Variants in PTPRN2 observed in about 807,000 individuals in gnomAD.
The protein encoded by PTPRN2 is protein tyrosine phosphatase receptor type N2.
PTPRN2 carries 74 observed loss-of-function variants against 118.8 expected under a neutral mutation model. That is an observed-to-expected ratio of 0.62 (90% confidence interval 0.52 to 0.76). PTPRN2 has a LOEUF of 0.76. PTPRN2 is among the 30% of genes least tolerant of loss of function. The pLI is 0.00. For missense variants in PTPRN2, 1,481 were observed against 1,394.4 expected (o/e 1.06, Z -0.99); for synonymous variants, 641 against 608.0 (o/e 1.05, Z -0.80).
At chr7:158,372,681 C>T (rs1249043062) in intron 2 of PTPRN2, among the ~76,000 whole-genome samples, 5 of 152,218 alleles carry the variant, frequency 3.3e-5, no homozygotes, top group African/African-American at 4.8e-5. Flanking sequence ...ACGCTGATCC[C>T]CAGAGTGCCC....
At chr7:157,993,849 T>G (rs77477366) in intron 11 of PTPRN2, among the ~76,000 whole-genome samples, 1,927 of 152,180 alleles carry the variant, frequency 0.013, 16 homozygotes, top group South Asian at 0.039. Context: ...CTGGACGATC[T>G]CTCCCTAAAA....
intron 3 of PTPRN2, among the ~76,000 whole-genome samples, chr7:158,216,820 T>G (rs1827991892): frequency 6.6e-6 from 1 of 152,144 alleles, no homozygotes; most frequent in East Asian, 1.9e-4. Flanking sequence ...CAATTGCTCA[T>G]AGAACACAAA....
intron 12 of PTPRN2, among the ~76,000 whole-genome samples, chr7:157,752,935 CCTG>C (rs144027155): frequency 0.04 from 6,099 of 152,294 alleles, 378 homozygotes; most frequent in African/African-American, 0.13. Context: ...AGCACCCACT[CCTG>C]CTGGAAGCCC....
chr7:158,310,954 G>A (rs558735656), intron 3 of PTPRN2, among the ~76,000 whole-genome samples: 1 of 152,236 alleles, frequency 6.6e-6, no homozygotes, highest in African/African-American at 2.4e-5. Flanking sequence ...TGAGCCAGAC[G>A]TTCTCCCTCC....
At chr7:158,014,592 C>T (rs1166056379) in intron 11 of PTPRN2, among the ~76,000 whole-genome samples, 2 of 151,982 alleles carry the variant, frequency 1.3e-5, no homozygotes, top group East Asian at 3.9e-4. Flanking sequence ...TTCACCCGTT[C>T]ATTCCTCCTT....
At chr7:157,879,318 G>A (rs1016158781) in intron 12 of PTPRN2, among the ~76,000 whole-genome samples, 8 of 152,206 alleles carry the variant, frequency 5.3e-5, no homozygotes, top group African/African-American at 1.9e-4. Context: ...CAGCCTCCAT[G>A]AGAACAGCAG....
chr7:158,072,543 A>T (rs944075492), intron 11 of PTPRN2, among the ~76,000 whole-genome samples: 4 of 152,166 alleles, frequency 2.6e-5, no homozygotes, highest in Admixed American at 2.6e-4. Context: ...GAATAGCCTC[A>T]TGCTGGTCCC....
At chr7:158,163,343 T>C (rs187767346) in intron 6 of PTPRN2, among the ~76,000 whole-genome samples, 77 of 150,838 alleles carry the variant, frequency 5.1e-4, no homozygotes, top group African/African-American at 1.8e-3. Context: ...CTCTATTTCA[T>C]AGGTGACGCC....
At chr7:158,523,182 C>G (rs999190825) in intron 1 of PTPRN2, among the ~76,000 whole-genome samples, 1 of 150,260 alleles carries the variant, frequency 6.7e-6, no homozygotes, top group Non-Finnish European at 1.5e-5. Context: ...AGGGGCCAGA[C>G]GGGTTGCAGC....
At chr7:158,430,280 G>T (rs747945193) in intron 2 of PTPRN2, among the ~76,000 whole-genome samples, 10 of 152,224 alleles carry the variant, frequency 6.6e-5, no homozygotes, top group Non-Finnish European at 1.5e-4. Flanking sequence ...TGAATTGAAA[G>T]TGGGCTAAAG....
At chr7:157,793,584 G>A (rs1372965960) in intron 12 of PTPRN2, among the ~76,000 whole-genome samples, 3 of 152,152 alleles carry the variant, frequency 2.0e-5, no homozygotes, top group Non-Finnish European at 2.9e-5. Flanking sequence ...TCATTCCCAC[G>A]TGGGATTCTC....
intron 1 of PTPRN2, among the ~76,000 whole-genome samples, chr7:158,559,394 A>G (rs1165947446): frequency 6.6e-6 from 1 of 152,188 alleles, no homozygotes; most frequent in Non-Finnish European, 1.5e-5. Context: ...TCTCAGAATG[A>G]CACACTTCCA....
At chr7:157,905,295 G>A (rs1442109994) in intron 11 of PTPRN2, among the ~76,000 whole-genome samples, 1 of 152,204 alleles carries the variant, frequency 6.6e-6, no homozygotes, top group African/African-American at 2.4e-5. Context: ...GAAAAAGCCT[G>A]CTTCAGCCAG....
chr7:158,047,348 A>G (rs1036193930), intron 11 of PTPRN2, among the ~76,000 whole-genome samples: 1 of 152,242 alleles, frequency 6.6e-6, no homozygotes, highest in Non-Finnish European at 1.5e-5. Context: ...CAGGAGAATA[A>G]ACAAGGAGTA....
chr7:158,268,314 T>A (rs569412176), intron 3 of PTPRN2, among the ~76,000 whole-genome samples: 1 of 143,688 alleles, frequency 7.0e-6, no homozygotes. Context: ...GTGTGAAATA[T>A]CCCAGCCGCA....
chr7:157,962,660 G>A (rs1801627404), intron 11 of PTPRN2, among the ~76,000 whole-genome samples: 1 of 152,230 alleles, frequency 6.6e-6, no homozygotes, highest in Non-Finnish European at 1.5e-5. Context: ...AACACCTGTG[G>A]ACAAGCTGGA....
intron 6 of PTPRN2, among the ~76,000 whole-genome samples, chr7:158,164,937 G>A (rs1822792678): frequency 6.6e-6 from 1 of 152,070 alleles, no homozygotes. Context: ...AGGAGAACAG[G>A]AAGCTCGGCA....
Position 157,823,266 on chromosome 7 carries a change from G to A in PTPRN2, c.1788+75407C>T, listed in dbSNP as rs75323582. 5.3e-3 allele frequency among the ~76,000 whole-genome samples: 800 copies of A among 152,272 alleles called. 13 individuals are homozygous for A. The highest frequency in any genetic ancestry group is 0.018 in the African/African-American group (739 of 41,542). ...ACACATAAATACCTAAAATACTAAAGCCTGGCAAAATAACAAATTATTAGA... is the reference window on the plus strand; with the variant it reads ...ACACATAAATACCTAAAATACTAAAACCTGGCAAAATAACAAATTATTAGA... On this transcript the variant is annotated intron_variant, in intron 12 of 22. Transcript: ENST00000389418.
At chr7:157,758,420 G>A (rs78018025) in intron 12 of PTPRN2, among the ~76,000 whole-genome samples, 4,316 of 152,272 alleles carry the variant, frequency 0.028, 84 homozygotes, top group Non-Finnish European at 0.04. Context: ...TAGGTGGCAC[G>A]AGGCCACACA....
Sources: gnomAD v4.1 joint callset for allele counts (sites outside exome capture counted in the v4.1 genomes callset) on GRCh38, gnomAD v4.1.1 for gene constraint, MANE v1.5 for transcripts, NCBI Gene and HGNC (gene_info 2026-07-23, HGNC 2026-07-21) for gene names.